Variants in POLR1A observed in about 807,000 individuals in gnomAD.
The protein encoded by POLR1A is DNA-directed RNA polymerase I subunit RPA1.
Under a neutral mutation model 205.3 loss-of-function variants are expected in POLR1A, and 84 were observed. The observed-to-expected ratio is 0.41, with a 90% CI of 0.34 to 0.49. The LOEUF is 0.49. Ranked by LOEUF, POLR1A falls within the 20% of genes least tolerant of loss-of-function variation. POLR1A has a pLI of 0.22. For missense variants in POLR1A, 1,645 were observed against 2,204.5 expected (o/e 0.75, Z 5.08); for synonymous variants, 799 against 863.7 (o/e 0.93, Z 1.31).
chr2:86,052,058 C>A (rs1672812796), intron 16 of POLR1A, among the ~76,000 whole-genome samples: 1 of 152,206 alleles, frequency 6.6e-6, no homozygotes. Context: ...AATTCTCCCG[C>A]CTCAGCCTCC....
At chr2:86,064,712 A>G (rs1444875602) in intron 14 of POLR1A, among the ~76,000 whole-genome samples, 1 of 151,986 alleles carries the variant, frequency 6.6e-6, no homozygotes, top group East Asian at 1.9e-4. Context: ...TTATGAGGAC[A>G]CCAAATTTAA....
intron 27 of POLR1A, among the ~76,000 whole-genome samples, chr2:86,038,403 C>A (rs536631140): frequency 3.3e-5 from 5 of 152,226 alleles, no homozygotes; most frequent in African/African-American, 1.2e-4. Context: ...ACCACACCCA[C>A]ATTTCCATGT....
chr2:86,041,190 T>TGTGTGCGCGCGCGCGCACGCGCGC (rs1212728761), intron 24 of POLR1A, among the ~76,000 whole-genome samples: 5 of 41,926 alleles, frequency 1.2e-4, no homozygotes, highest in African/African-American at 3.5e-4. Flanking sequence ...TGTGTGTGTG[T>TGTGTGCGCGCGCGCGCACGCGCGC]GCGCGCTGAG....
At position 86,064,459 on chromosome 2, in the gene POLR1A, T is replaced by A. The variant is rs1573818707; in HGVS notation, c.2058+815A>T. On this transcript the variant is annotated intron_variant, in intron 14 of 33. Transcript: ENST00000263857. ...CACATATCATGTAATTTGGTTACTT[T>A]GAGAGGAAGTATGGTATGATGCTTC... is the stretch of plus-strand genomic sequence containing the variant. 2.6e-5 allele frequency among the ~76,000 whole-genome samples: 4 copies of A among 152,200 alleles called. No homozygotes were observed. In the East Asian group the frequency reaches 7.7e-4, roughly 29 times the overall value.
rs549375944 is a variant in POLR1A, at chr2:86,049,195, G to A, written c.2440C>T (p.Arg814Cys). The A allele has an allele frequency of 6.8e-6, 11 of 1,613,900 alleles. No homozygotes were observed. The highest frequency in any genetic ancestry group is 4.0e-5 in the African/African-American group (3 of 75,014). ...CAGTGGGTGGATTCTTCAATGATAC[G>A]TTGCCTCTTGACATCTGCCTTTGGC... ...VKPKADVKRQ[R>C]IIEESTHCGP... The change falls in exon 17 of 34, where the codon CGT becomes TGT. Residue 814 changes from arginine (R) to cysteine (C), a missense_variant. Arg to Cys is a radical substitution (Grantham distance 180). Coordinates refer to ENST00000263857, the MANE Select transcript of POLR1A (RefSeq NM_015425.6).
chr2:86,100,791 T>G (rs1335156146), intron 1 of POLR1A, among the ~76,000 whole-genome samples: 3 of 152,184 alleles, frequency 2.0e-5, no homozygotes, highest in Non-Finnish European at 4.4e-5. Context: ...TCCGCCTGCC[T>G]CAGCCTCCCA....
chr2:86,082,310 T>C (rs1022701779), intron 7 of POLR1A, among the ~76,000 whole-genome samples: 1 of 152,074 alleles, frequency 6.6e-6, no homozygotes, highest in Admixed American at 6.6e-5. Flanking sequence ...CCTGGACTAT[T>C]AAAACACAGA....
intron 17 of POLR1A, 32 bp from the exon 18 acceptor site, chr2:86,049,074 G>A: frequency 3.1e-6 from 5 of 1,614,020 alleles, no homozygotes; most frequent in Non-Finnish European, 4.2e-6. Context: ...AGCGGAGGCT[G>A]AGGCCAAACG....
Position 86,080,378 on chromosome 2 carries a change from T to C in POLR1A, c.1086+438A>G, listed in dbSNP as rs1673377332. ...GACCCCAATGCTGGAGACATTAACG[T>C]GTCCAAAATAGAGCTGGCAACATGA... is the stretch of plus-strand genomic sequence containing the variant. On this transcript the variant is annotated intron_variant, in intron 9 of 33. Coordinates refer to ENST00000263857, the MANE Select transcript of POLR1A (RefSeq NM_015425.6). Among the ~76,000 whole-genome samples the C allele has an allele frequency of 3.9e-5, 6 of 152,276 alleles. No individual in the cohort carries two copies. In the South Asian group the frequency reaches 1.2e-3, roughly 32 times the overall value.
At chr2:86,045,469 C>A in intron 20 of POLR1A, 109 bp from the exon 21 acceptor site, 1 of 1,246,528 alleles carries the variant, frequency 8.0e-7, no homozygotes, top group Non-Finnish European at 1.2e-6. Flanking sequence ...CAGGCCACTC[C>A]CTTCCCTGAT....
chr2:86,071,042 C>A (rs1044217456), intron 12 of POLR1A, among the ~76,000 whole-genome samples: 1 of 150,720 alleles, frequency 6.6e-6, no homozygotes, highest in East Asian at 2.0e-4. Context: ...ATAGAAGGGG[C>A]AATAGTGTAT....
intron 25 of POLR1A, 186 bp downstream of exon 25, chr2:86,040,206 C>T (rs1672576342): frequency 6.4e-6 from 3 of 469,380 alleles, no homozygotes; most frequent in Non-Finnish European, 1.1e-5. Flanking sequence ...CAGGCCTGGG[C>T]ACCAAAGAAA....
chr2:86,062,071 A>T (rs1673008760), intron 14 of POLR1A, among the ~76,000 whole-genome samples: 1 of 152,180 alleles, frequency 6.6e-6, no homozygotes, highest in Admixed American at 6.5e-5. Context: ...GACCTGGAGA[A>T]ACACTCTAAG....
rs1475784343 is a variant in POLR1A at position 86,023,836 on chromosome 2, C to T, written c.*3587G>A. 6.6e-6 allele frequency: 1 copy of T among 151,682 alleles called. No homozygotes were observed. The highest frequency in any genetic ancestry group is 6.6e-5 in the Admixed American group (1 of 15,218). The allele number at this position is 151,682 out of a possible 1,614,324, so 9.4% of individuals were successfully genotyped here. ...GCGCAATCTCGGCTCACTGCAACCT[C>T]CACCTCCTGAGTTCAAGATTCTCCT... On this transcript the variant is annotated 3_prime_UTR_variant, in exon 34 of 34. Coordinates refer to ENST00000263857, the MANE Select transcript of POLR1A (RefSeq NM_015425.6).
At chr2:86,044,390 A>C (rs1573808217) in intron 21 of POLR1A, 86 bp from the exon 22 acceptor site, 1 of 1,437,296 alleles carries the variant, frequency 7.0e-7, no homozygotes, top group East Asian at 2.3e-5. Context: ...AGTGGAGGGG[A>C]GGGAAAGGGG....
chr2:86,084,577 C>T (rs933294459), intron 6 of POLR1A, among the ~76,000 whole-genome samples: 1 of 151,900 alleles, frequency 6.6e-6, no homozygotes, highest in Non-Finnish European at 1.5e-5. Flanking sequence ...GTGTCTAGCT[C>T]ACAGCAAATT....
intron 14 of POLR1A, among the ~76,000 whole-genome samples, chr2:86,062,088 T>C (rs893804193): frequency 4.6e-5 from 7 of 152,232 alleles, no homozygotes; most frequent in African/African-American, 1.7e-4. Context: ...TAAGACTTCA[T>C]TTCCCAGGGC....
chr2:86,091,149 C>G (rs973551303), intron 3 of POLR1A, among the ~76,000 whole-genome samples: 1 of 152,166 alleles, frequency 6.6e-6, no homozygotes, highest in East Asian at 1.9e-4. Context: ...AAGCGTTGAA[C>G]CTGGATAATG....
At chr2:86,101,137 C>T (rs978978579) in intron 1 of POLR1A, among the ~76,000 whole-genome samples, 1 of 152,200 alleles carries the variant, frequency 6.6e-6, no homozygotes, top group South Asian at 2.1e-4. Flanking sequence ...TTGAAAGGTG[C>T]TCCCATAGGA....
Sources: gnomAD v4.1 joint callset for allele counts (sites outside exome capture counted in the v4.1 genomes callset) on GRCh38, gnomAD v4.1.1 for gene constraint, MANE v1.5 for transcripts, NCBI Gene and HGNC (gene_info 2026-07-23, HGNC 2026-07-21) for gene names.